MSN: variants seen among roughly 807,000 people sequenced by gnomAD.
The protein encoded by MSN is moesin.
Under a neutral mutation model 48.0 loss-of-function variants are expected in MSN, and 2 were observed. The ratio of observed to expected loss-of-function variants is 0.04; its 90% CI spans 0.02 to 0.13. MSN has a LOEUF of 0.13. MSN is among the 10% of genes least tolerant of loss of function. MSN has a pLI of 1.00. For missense variants in MSN, 267 were observed against 470.1 expected, an observed-to-expected ratio of 0.57 and a Z score of 3.99; for synonymous variants, 146 against 166.9, an observed-to-expected ratio of 0.87 and a Z score of 0.97.
At chrX:65,670,596 G>A (rs1037442640) in intron 1 of MSN, among the ~76,000 whole-genome samples, 3 of 108,253 alleles carry the variant, frequency 2.8e-5, no homozygotes, top group Admixed American at 1.0e-4. Context: ...GGTGGTGTGC[G>A]CCTGTAATCC....
chrX:65,716,077 A>G (rs762789504), intron 1 of MSN, among the ~76,000 whole-genome samples: 11 of 111,826 alleles, frequency 9.8e-5, no homozygotes, highest in Admixed American at 6.7e-4. Context: ...CCTTTAGATT[A>G]TCATGTGGAA....
rs535010759 is a variant in MSN at position 65,683,393 on chromosome X, GCCACCACCA to G, written c.12+15582_12+15590del. Among the ~76,000 whole-genome samples the G allele has an allele frequency of 9.5e-4, 87 of 91,316 alleles. 2 individuals are homozygous for G. The highest frequency in any genetic ancestry group is 2.3e-3 in the East Asian group (6 of 2,595). The allele number at this position is 91,316 out of a possible 115,157, so 79.3% of individuals were successfully genotyped here. ...TGCTATTGCTACTGTTGCCGCCGCC[GCCACCACCA>G]CCACCACCACCACCACCACCACCAC... On this transcript the variant is annotated intron_variant, in intron 1 of 12. Coordinates refer to ENST00000360270, the MANE Select transcript of MSN (RefSeq NM_002444.3).
At chrX:65,604,133 T>G (rs2070259372) in intron 1 of MSN, among the ~76,000 whole-genome samples, 1 of 112,337 alleles carries the variant, frequency 8.9e-6, no homozygotes. Flanking sequence ...CACAGAAAGT[T>G]GAAGTGACTA....
intron 1 of MSN, among the ~76,000 whole-genome samples, chrX:65,661,282 T>C (rs1384735622): frequency 1.8e-5 from 2 of 112,163 alleles, no homozygotes. Context: ...TTTTGTGGTA[T>C]GTTCTTTTGA....
upstream of MSN, among the ~76,000 whole-genome samples, chrX:65,663,492 T>A (rs937485323): frequency 3.6e-5 from 4 of 111,053 alleles, no homozygotes; most frequent in African/African-American, 1.3e-4. Context: ...GAAAAGGGAA[T>A]GCTTATACAC....
intron 1 of MSN, among the ~76,000 whole-genome samples, chrX:65,655,808 C>T (rs763202610): frequency 8.9e-6 from 1 of 112,118 alleles, no homozygotes; most frequent in Non-Finnish European, 1.9e-5. Context: ...TTCTTGTCGC[C>T]CAGGCTGGAG....
chrX:65,600,505 T>C (rs1282055379), intron 1 of MSN, among the ~76,000 whole-genome samples: 1 of 112,070 alleles, frequency 8.9e-6, no homozygotes, highest in Non-Finnish European at 1.9e-5. Context: ...TAGGCTGTGG[T>C]GCATTTGATT....
chrX:65,702,437 G>A (rs1407997937), intron 1 of MSN, among the ~76,000 whole-genome samples: 5 of 106,226 alleles, frequency 4.7e-5, no homozygotes, highest in African/African-American at 6.8e-5. Context: ...AGGCAAAGGC[G>A]GTCGAATCAC....
chrX:65,649,630 C>CGTGTGTATATGTATGT (rs1215188917), intron 1 of MSN, among the ~76,000 whole-genome samples: 3 of 100,806 alleles, frequency 3.0e-5, no homozygotes, highest in Admixed American at 1.1e-4. Flanking sequence ...TGTGTATGCG[C>CGTGTGTATATGTATGT]GTGTGTATAT....
Position 65,609,084 on chromosome X carries a change from A to G in MSN, c.-22+20472A>G, listed in dbSNP as rs1370127132. ...ATTCATTTATATTTTATTTTTTATT[A>G]TATTTATAGCTCCAGGGCTCTCAAT... On this transcript the variant is annotated intron_variant, in intron 1 of 3. Coordinates refer to the MSN transcript ENST00000609672. 2.9e-5 allele frequency among the ~76,000 whole-genome samples: 3 copies of G among 104,679 alleles called. No individual in the cohort carries two copies. The East Asian group carries it at 8.8e-4, about 31-fold the overall frequency. The allele number at this position is 104,679 out of a possible 115,157, so 90.9% of individuals were successfully genotyped here. A position where few individuals can be genotyped will look rare whatever the true frequency, so the allele number is the denominator to read the frequency against.
chrX:65,641,158 T>A (rs2070646471), intron 1 of MSN, among the ~76,000 whole-genome samples: 2 of 110,750 alleles, frequency 1.8e-5, no homozygotes, highest in Admixed American at 9.8e-5. Context: ...AAAATAAGTA[T>A]TATTTTAGTG....
chrX:65,640,387 A>T (rs141550817), intron 1 of MSN, among the ~76,000 whole-genome samples: 2,802 of 110,638 alleles, frequency 0.025, 100 homozygotes, highest in African/African-American at 0.087. Flanking sequence ...AAAAATAAAT[A>T]AAAAAAAATT....
At chrX:65,653,888 CT>C (rs2070760826) in intron 1 of MSN, among the ~76,000 whole-genome samples, 1 of 109,255 alleles carries the variant, frequency 9.2e-6, no homozygotes, top group African/African-American at 3.3e-5. Context: ...ATTCTTTTGC[CT>C]CAGCCTCCCG....
At chrX:65,727,538 G>T (rs977573823) in intron 2 of MSN, among the ~76,000 whole-genome samples, 2 of 111,932 alleles carry the variant, frequency 1.8e-5, no homozygotes, top group African/African-American at 3.3e-5. Context: ...TAGCATAGGG[G>T]TATTATGAAA....
intron 1 of MSN, among the ~76,000 whole-genome samples, chrX:65,682,821 C>G (rs1157111880): frequency 8.9e-6 from 1 of 112,430 alleles, no homozygotes; most frequent in Non-Finnish European, 1.9e-5. Context: ...GATAGCCAAA[C>G]AACAATTCCA....
chrX:65,654,440 C>A (rs1197442199), intron 1 of MSN, among the ~76,000 whole-genome samples: 2 of 110,094 alleles, frequency 1.8e-5, no homozygotes, highest in African/African-American at 6.6e-5. Flanking sequence ...CTTCTTATAG[C>A]CAACCTTATA....
chrX:65,629,404 G>C (rs778953907), intron 1 of MSN, among the ~76,000 whole-genome samples: 1 of 112,070 alleles, frequency 8.9e-6, no homozygotes, highest in East Asian at 2.8e-4. Flanking sequence ...CTTCTTCTGA[G>C]CCCTCCAAAC....
upstream of MSN, among the ~76,000 whole-genome samples, chrX:65,665,409 C>T (rs2070860005): frequency 8.9e-6 from 1 of 111,922 alleles, no homozygotes; most frequent in Admixed American, 9.5e-5. Flanking sequence ...CTCATGGAGA[C>T]TGTTTGGGCT....
At chrX:65,606,411 GCCA>G (rs1199240255) in intron 1 of MSN, among the ~76,000 whole-genome samples, 1 of 109,885 alleles carries the variant, frequency 9.1e-6, no homozygotes, top group East Asian at 2.9e-4. Flanking sequence ...ACAGGTGTGA[GCCA>G]CCACACCCGG....
Sources: allele counts gnomAD v4.1 joint callset (sites outside exome capture counted in the v4.1 genomes callset), GRCh38; gene constraint gnomAD v4.1.1; transcripts MANE v1.5; gene names NCBI Gene and HGNC (gene_info 2026-07-23, HGNC 2026-07-21).